Variants in ADAMTSL3 observed in about 807,000 individuals in gnomAD.
ADAMTSL3 encodes ADAMTS-like protein 3.
Under a neutral mutation model 201.7 loss-of-function variants are expected in ADAMTSL3, and 128 were observed. The ratio of observed to expected loss-of-function variants is 0.63; its 90% CI spans 0.55 to 0.73. The LOEUF is 0.73. Among genes scored for constraint, ADAMTSL3 ranks in the 30% least tolerant of loss-of-function variants. The probability of loss-of-function intolerance (pLI) is 0.00; values close to 1 mark genes in which losing one functional copy is unlikely to be tolerated. For synonymous variants in ADAMTSL3, 738 were observed against 748.4 expected (o/e 0.99, Z 0.23); for missense variants, 1,990 against 2,119.6 (o/e 0.94, Z 1.20).
intron 2 of ADAMTSL3, among the ~76,000 whole-genome samples, chr15:83,657,620 A>G (rs1050636281): frequency 6.6e-6 from 1 of 152,250 alleles, no homozygotes; most frequent in African/African-American, 2.4e-5. Flanking sequence ...CAAACCAAAC[A>G]ATGTCTGGCA....
chr15:83,831,364 C>T (rs2064153927), intron 6 of ADAMTSL3, among the ~76,000 whole-genome samples: 1 of 152,018 alleles, frequency 6.6e-6, no homozygotes, highest in Non-Finnish European at 1.5e-5. Context: ...TGAGCATAAA[C>T]CCCCTTTTCA....
At chr15:83,791,148 TGTTG>T (rs760407039) in intron 4 of ADAMTSL3, among the ~76,000 whole-genome samples, 2,114 of 152,286 alleles carry the variant, frequency 0.014, 22 homozygotes, top group South Asian at 0.029. Flanking sequence ...AATATTAAAA[TGTTG>T]ATACTACCCA....
chr15:83,846,598 A>G (rs2064503432), intron 7 of ADAMTSL3, among the ~76,000 whole-genome samples: 3 of 152,342 alleles, frequency 2.0e-5, no homozygotes, highest in Non-Finnish European at 4.4e-5. Context: ...TTCCTAACCC[A>G]GGGTGCACAT....
chr15:83,883,979 G>A (rs1043952565), intron 9 of ADAMTSL3, among the ~76,000 whole-genome samples: 21 of 151,090 alleles, frequency 1.4e-4, no homozygotes, highest in Non-Finnish European at 2.2e-4. Flanking sequence ...TGCAACCTCC[G>A]CCTCCCGGGT....
chr15:83,833,503 A>C (rs915830536), intron 6 of ADAMTSL3, among the ~76,000 whole-genome samples: 2 of 152,188 alleles, frequency 1.3e-5, no homozygotes, highest in Admixed American at 1.3e-4. Context: ...AGGTCTCTGC[A>C]TATGAATTTT....
intron 3 of ADAMTSL3, among the ~76,000 whole-genome samples, chr15:83,729,987 C>G (rs2062239818): frequency 6.6e-6 from 1 of 152,032 alleles, no homozygotes; most frequent in Non-Finnish European, 1.5e-5. Flanking sequence ...AATGGGCACC[C>G]CAAGCCCAAT....
intron 7 of ADAMTSL3, among the ~76,000 whole-genome samples, chr15:83,844,679 C>T (rs961421311): frequency 6.6e-6 from 1 of 152,158 alleles, no homozygotes; most frequent in Non-Finnish European, 1.5e-5. Context: ...GGAAGGAAGA[C>T]TCTGTGACTA....
chr15:83,829,640 T>A (rs2064109931), intron 6 of ADAMTSL3, among the ~76,000 whole-genome samples: 1 of 152,262 alleles, frequency 6.6e-6, no homozygotes, highest in African/African-American at 2.4e-5. Context: ...TTTAGATCTT[T>A]CCTGCTTTCT....
At chr15:83,891,192 G>A in intron 11 of ADAMTSL3, 137 bp from the exon 12 acceptor site, 1 of 652,544 alleles carries the variant, frequency 1.5e-6, no homozygotes, top group Admixed American at 3.0e-5. Flanking sequence ...TTTTGGGAAT[G>A]GTTGATAACA....
intron 14 of ADAMTSL3, among the ~76,000 whole-genome samples, chr15:83,898,257 T>A (rs913817988): frequency 3.3e-5 from 5 of 152,046 alleles, no homozygotes; most frequent in African/African-American, 1.2e-4. Flanking sequence ...CTAACATTTC[T>A]TGGTGGACGT....
intron 19 of ADAMTSL3, among the ~76,000 whole-genome samples, chr15:83,957,424 A>C (rs886899299): frequency 2.0e-5 from 3 of 152,202 alleles, no homozygotes; most frequent in Non-Finnish European, 4.4e-5. Flanking sequence ...CACTATGGAT[A>C]AGGTATTAGA....
At chr15:83,855,151 G>A (rs1245635758) in intron 7 of ADAMTSL3, among the ~76,000 whole-genome samples, 1 of 152,118 alleles carries the variant, frequency 6.6e-6, no homozygotes, top group Non-Finnish European at 1.5e-5. Flanking sequence ...GAGTCTGTAG[G>A]TTAGCCATAG....
chr15:83,882,005 A>C (rs2065282106), intron 9 of ADAMTSL3, among the ~76,000 whole-genome samples: 1 of 151,826 alleles, frequency 6.6e-6, no homozygotes, highest in South Asian at 2.1e-4. Flanking sequence ...AAATACAAAA[A>C]ATTAGCCAGG....
At chr15:83,922,683 A>G (rs2066168952) in intron 16 of ADAMTSL3, among the ~76,000 whole-genome samples, 1 of 152,268 alleles carries the variant, frequency 6.6e-6, no homozygotes, top group Admixed American at 6.5e-5. Flanking sequence ...GGCAGGGAAC[A>G]TAAAATTACA....
chr15:83,991,749 A>C (rs1177177505), intron 23 of ADAMTSL3, among the ~76,000 whole-genome samples: 2 of 152,142 alleles, frequency 1.3e-5, no homozygotes, highest in Non-Finnish European at 2.9e-5. Flanking sequence ...TTACAACTGC[A>C]GACAAACCTC....
chr15:83,708,241 C>T (rs147077290), intron 3 of ADAMTSL3, among the ~76,000 whole-genome samples: 1 of 152,314 alleles, frequency 6.6e-6, no homozygotes, highest in East Asian at 1.9e-4. Context: ...TAGGATCTTC[C>T]TACCTATAGA....
At position 83,852,902 on chromosome 15, in the gene ADAMTSL3, G is replaced by C. The variant is rs573361695; in HGVS notation, c.728-5864G>C. Among the ~76,000 whole-genome samples, 35 of 152,236 alleles carry C rather than the reference G, an allele frequency of 2.3e-4. 1 individual carries two copies. Among genetic ancestry groups the C allele is most frequent in the African/African-American group, 7.7e-4 (32 of 41,540 alleles). On this transcript the variant is annotated intron_variant, in intron 7 of 29. Transcript: ENST00000286744. ...AATGGAGTCTCACTCTGTCGCCCAGGCTGGAATGCAGTGGCGTGATCTTGG... is the reference window on the plus strand; with the variant it reads ...AATGGAGTCTCACTCTGTCGCCCAGCCTGGAATGCAGTGGCGTGATCTTGG...
intron 5 of ADAMTSL3, among the ~76,000 whole-genome samples, chr15:83,805,098 A>G (rs952195565): frequency 1.3e-5 from 2 of 152,180 alleles, no homozygotes; most frequent in Non-Finnish European, 2.9e-5. Flanking sequence ...TGAAGGTCAC[A>G]TAGGAAGAGT....
intron 3 of ADAMTSL3, among the ~76,000 whole-genome samples, chr15:83,744,147 G>A (rs1356452917): frequency 6.6e-6 from 1 of 152,078 alleles, no homozygotes; most frequent in East Asian, 1.9e-4. Flanking sequence ...ACTGCGCCCG[G>A]CCATATCTTT....
Sources: allele counts gnomAD v4.1 joint callset (sites outside exome capture counted in the v4.1 genomes callset), GRCh38; gene constraint gnomAD v4.1.1; transcripts MANE v1.5; gene names NCBI Gene and HGNC (gene_info 2026-07-23, HGNC 2026-07-21).